The following EZH2 variants were observed in gnomAD, a reference collection of about 807,000 sequenced individuals.
The protein encoded by EZH2 is histone-lysine N-methyltransferase EZH2.
In EZH2, 18 loss-of-function variants were observed where a neutral mutation model predicts 98.4. That is an observed-to-expected ratio of 0.18 (90% confidence interval 0.13 to 0.27). EZH2 has a LOEUF of 0.27. EZH2 is among the 10% of genes least tolerant of loss of function. EZH2 has a pLI of 1.00. For synonymous variants in EZH2, 338 were observed against 312.3 expected (o/e 1.08, Z -0.87); for missense variants, 470 against 935.1 (o/e 0.50, Z 6.49).
intron 1 of EZH2, among the ~76,000 whole-genome samples, chr7:148,869,420 A>ACTGCAGTCT (rs1282111670): frequency 7.4e-6 from 1 of 134,776 alleles, no homozygotes; most frequent in East Asian, 2.2e-4. Flanking sequence ...AACACGGCTC[A>ACTGCAGTCT]CTGCAGTCTC....
chr7:148,874,967 C>T (rs1245243297), intron 1 of EZH2, among the ~76,000 whole-genome samples: 1 of 151,792 alleles, frequency 6.6e-6, no homozygotes, highest in Non-Finnish European at 1.5e-5. Context: ...ATCATTTCTA[C>T]ATACCCCATT....
At chr7:148,851,792 G>A (rs1815837161) in intron 1 of EZH2, among the ~76,000 whole-genome samples, 1 of 152,148 alleles carries the variant, frequency 6.6e-6, no homozygotes, top group African/African-American at 2.4e-5. Flanking sequence ...GATCTCTTGA[G>A]CCTGTGAGGT....
chr7:148,842,750 G>A (rs1290393645), intron 3 of EZH2, among the ~76,000 whole-genome samples: 1 of 151,008 alleles, frequency 6.6e-6, no homozygotes, highest in African/African-American at 2.5e-5. Flanking sequence ...AAAAAAAAAA[G>A]AGTTGCCCTA....
intron 3 of EZH2, among the ~76,000 whole-genome samples, chr7:148,835,399 G>C (rs1810615468): frequency 6.6e-6 from 1 of 151,210 alleles, no homozygotes; most frequent in African/African-American, 2.4e-5. Context: ...ACTCCAGCCT[G>C]GGTGACGACG....
chr7:148,874,814 G>A (rs1227995569), intron 1 of EZH2, among the ~76,000 whole-genome samples: 4 of 151,212 alleles, frequency 2.6e-5, no homozygotes, highest in Non-Finnish European at 4.4e-5. Context: ...GGAGAACAGC[G>A]TGAACCCAGG....
chr7:148,835,978 A>G (rs1450236203), intron 3 of EZH2, among the ~76,000 whole-genome samples: 1 of 152,236 alleles, frequency 6.6e-6, no homozygotes, highest in Admixed American at 6.5e-5. Flanking sequence ...CACAGGCTGC[A>G]GCACTACGTA....
intron 19 of EZH2, 107 bp from the exon 20 acceptor site, chr7:148,807,813 T>TAA (rs1801886135): frequency 4.6e-6 from 2 of 438,908 alleles, no homozygotes; most frequent in Admixed American, 4.7e-5. Context: ...TAAAATGTCT[T>TAA]TAAAAAAAAA....
intron 1 of EZH2, among the ~76,000 whole-genome samples, chr7:148,850,027 C>T (rs1815267102): frequency 6.6e-6 from 1 of 151,150 alleles, no homozygotes; most frequent in Non-Finnish European, 1.5e-5. Context: ...ATTACAATTT[C>T]TTTTTTTTTG....
At chr7:148,843,613 T>G (rs1813115919) in intron 3 of EZH2, among the ~76,000 whole-genome samples, 2 of 54,196 alleles carry the variant, frequency 3.7e-5, no homozygotes, top group African/African-American at 2.0e-4. Context: ...TTTTTTTTTT[T>G]GAGACAGCGT....
chr7:148,872,851 A>T (rs1438358606), intron 1 of EZH2, among the ~76,000 whole-genome samples: 1 of 151,204 alleles, frequency 6.6e-6, no homozygotes, highest in Non-Finnish European at 1.5e-5. Flanking sequence ...TTTTTTTTTT[A>T]AACTTCCTGA....
chr7:148,857,573 A>T (rs996108431), intron 1 of EZH2, among the ~76,000 whole-genome samples: 1 of 152,064 alleles, frequency 6.6e-6, no homozygotes, highest in Non-Finnish European at 1.5e-5. Flanking sequence ...CAATATGGTG[A>T]AACCCAGTCT....
intron 8 of EZH2, among the ~76,000 whole-genome samples, chr7:148,822,501 C>T (rs1029255706): frequency 6.7e-6 from 1 of 149,292 alleles, no homozygotes; most frequent in African/African-American, 2.5e-5. Flanking sequence ...CAGAGCAAGA[C>T]TGTCTCAAAA....
intron 1 of EZH2, 89 bp from the exon 2 acceptor site, chr7:148,847,394 A>G: frequency 6.6e-7 from 1 of 1,514,796 alleles, no homozygotes; most frequent in Non-Finnish European, 9.0e-7. Context: ...ACTAACAATC[A>G]GTGAAGAAAT....
chr7:148,873,297 G>C (rs1157076550), intron 1 of EZH2, among the ~76,000 whole-genome samples: 6 of 152,026 alleles, frequency 3.9e-5, no homozygotes, highest in African/African-American at 1.4e-4. Context: ...TTCAAGACCA[G>C]TCTGGCCAAC....
intron 17 of EZH2, among the ~76,000 whole-genome samples, chr7:148,809,846 A>ATC (rs1400542857): frequency 6.6e-6 from 1 of 152,182 alleles, no homozygotes; most frequent in Non-Finnish European, 1.5e-5. Context: ...TTTTCACATA[A>ATC]TCCCACCAGA....
Position 148,829,000 on chromosome 7 carries a change from T to A in EZH2, c.485-120A>T, listed in dbSNP as rs73471821. 2,615 of 1,000,050 alleles carry A rather than the reference T, an allele frequency of 2.6e-3. 40 individuals are homozygous for A. The African/African-American group carries it at 0.037, about 14-fold the overall frequency. 61.9% of individuals were successfully genotyped at this position (1,000,050 alleles called of 1,614,324 possible). A position where few individuals can be genotyped will look rare whatever the true frequency, so the allele number is the denominator to read the frequency against. The stretch of plus-strand genomic sequence containing the variant: ...AGTAACTGGCACTAAAACATTATTA[T>A]TGAAATGAGGGGAGGAAAAGATAAG... On this transcript the variant is annotated intron_variant, in intron 5 of 19. Transcript: ENST00000320356.
chr7:148,871,101 G>A (rs1819303473), intron 1 of EZH2, among the ~76,000 whole-genome samples: 2 of 151,876 alleles, frequency 1.3e-5, no homozygotes, highest in Admixed American at 1.3e-4. Flanking sequence ...AAACATGAAG[G>A]ATACTCAACA....
chr7:148,808,078 G>GA (rs375462510), intron 19 of EZH2, among the ~76,000 whole-genome samples: 13 of 152,302 alleles, frequency 8.5e-5, no homozygotes, highest in African/African-American at 3.1e-4. Context: ...CCATGGTCTG[G>GA]AAAAAATGAT....
Position 148,861,792 on chromosome 7 carries a change from C to T in EZH2, c.-7-14487G>A, listed in dbSNP as rs531791297. ...TTCAGACCAGCCTGAGCAACATAGC[C>T]TTCTTTTATTTAAAAAAAAAAAAAA... is the stretch of plus-strand genomic sequence containing the variant. On this transcript the variant is annotated intron_variant, in intron 1 of 19. Coordinates refer to ENST00000320356, the MANE Select transcript of EZH2 (RefSeq NM_004456.5). Among the ~76,000 whole-genome samples, 282 of 125,182 alleles carry T rather than the reference C, an allele frequency of 2.3e-3. 1 individual carries two copies. The highest frequency in any genetic ancestry group is 8.9e-3 in the African/African-American group (267 of 30,048). The allele number at this position is 125,182 out of a possible 152,430, so 82.1% of individuals were successfully genotyped here.
Sources: gnomAD v4.1 joint callset for allele counts (sites outside exome capture counted in the v4.1 genomes callset) on GRCh38, gnomAD v4.1.1 for gene constraint, MANE v1.5 for transcripts, NCBI Gene and HGNC (gene_info 2026-07-23, HGNC 2026-07-21) for gene names.